The following SPECC1L variants were observed in gnomAD, a reference collection of about 807,000 sequenced individuals.
SPECC1L encodes the protein cytospin-A.
A neutral mutation model predicts 116.8 loss-of-function variants in SPECC1L; 40 were observed. The ratio of observed to expected loss-of-function variants is 0.34; its 90% confidence interval spans 0.27 to 0.45. The LOEUF (loss-of-function observed/expected upper bound fraction) is 0.45. Among genes scored for constraint, SPECC1L ranks in the 20% least tolerant of loss-of-function variants. The pLI is 1.00. For missense variants in SPECC1L, 1,110 were observed against 1,373.6 expected (o/e 0.81, Z 3.03); for synonymous variants, 504 against 500.6 (o/e 1.01, Z -0.09).
chr22:24,305,149 G>T (rs2049466479), intron 3 of SPECC1L, among the ~76,000 whole-genome samples: 1 of 152,174 alleles, frequency 6.6e-6, no homozygotes, highest in Non-Finnish European at 1.5e-5. Flanking sequence ...ATGCAGAGTT[G>T]TGTTTTGTTT....
intron 14 of SPECC1L, among the ~76,000 whole-genome samples, chr22:24,398,391 A>G (rs76866152): frequency 0.034 from 5,158 of 152,288 alleles, 179 homozygotes; most frequent in African/African-American, 0.083. Context: ...AGGCAGTACA[A>G]AGTGCCACCA....
At chr22:24,368,070 G>A (rs1453625088) in intron 13 of SPECC1L, among the ~76,000 whole-genome samples, 2 of 152,198 alleles carry the variant, frequency 1.3e-5, no homozygotes, top group Non-Finnish European at 2.9e-5. Flanking sequence ...CACCAGGGGT[G>A]ATTGCAAAAC....
In SPECC1L at chr22:24,324,285, G is replaced by A. The variant is rs147450336; in HGVS notation, c.2004G>A (p.Thr668=). The A allele has an allele frequency of 7.0e-4, 1,125 of 1,613,968 alleles. 2 individuals are homozygous for A. Among genetic ancestry groups the A allele is most frequent in the Admixed American group, 1.3e-3 (81 of 60,004 alleles). ...AKKQIEDLNM[T]LEKLRSDLDE... ...AACAAATTGAAGATTTGAATATGAC[G>A]TTAGAAAAATTAAGATCAGACCTGG... Residue 668 remains threonine (T), a synonymous_variant, in exon 6 of 17, where the codon ACG becomes ACA. Transcript: ENST00000314328.
rs143022134 is a variant in SPECC1L, at chr22:24,347,022, G to A, written c.2653-64G>A. The stretch of plus-strand genomic sequence containing the variant: ...TTATAACTAAATATCTACTCTGTGC[G>A]GCATTTACTTTGTGAGTCCAAACAG... On this transcript the variant is annotated intron_variant, in intron 10 of 16. Transcript: ENST00000314328. 2.7e-4 allele frequency: 324 copies of A among 1,219,870 alleles called. 1 individual carries two copies. In the East Asian group the frequency reaches 2.9e-3, roughly 11 times the overall value. 75.6% of individuals were successfully genotyped at this position (1,219,870 alleles called of 1,614,324 possible).
intron 2 of SPECC1L, among the ~76,000 whole-genome samples, chr22:24,280,171 G>T (rs1407414587): frequency 4.0e-5 from 6 of 151,760 alleles, no homozygotes; most frequent in Non-Finnish European, 8.8e-5. Flanking sequence ...AAATGAATTG[G>T]GGGGTAATCA....
chr22:24,342,983 A>G (rs909590128), intron 10 of SPECC1L, among the ~76,000 whole-genome samples: 19 of 152,224 alleles, frequency 1.2e-4, no homozygotes, highest in Middle Eastern at 3.4e-3. Flanking sequence ...ACCTGAGCTC[A>G]GGAGTTTGAA....
intron 13 of SPECC1L, among the ~76,000 whole-genome samples, chr22:24,367,951 C>A (rs1216999352): frequency 6.6e-6 from 1 of 152,172 alleles, no homozygotes; most frequent in Non-Finnish European, 1.5e-5. Flanking sequence ...CATTACACAG[C>A]ACTCCCTTTC....
chr22:24,285,663 A>G (rs993850029), intron 2 of SPECC1L, among the ~76,000 whole-genome samples: 1 of 149,964 alleles, frequency 6.7e-6, no homozygotes, highest in Non-Finnish European at 1.5e-5. Flanking sequence ...GTTTTTTTTG[A>G]GACGGAGTCT....
intron 14 of SPECC1L, among the ~76,000 whole-genome samples, chr22:24,402,291 C>T (rs542624389): frequency 3.3e-5 from 5 of 152,148 alleles, no homozygotes; most frequent in Admixed American, 2.6e-4. Flanking sequence ...CAGGCACCAC[C>T]GGCCCCAGGC....
At chr22:24,397,780 T>C (rs1461634857) in intron 14 of SPECC1L, among the ~76,000 whole-genome samples, 1 of 152,220 alleles carries the variant, frequency 6.6e-6, no homozygotes, top group African/African-American at 2.4e-5. Flanking sequence ...TTTTTAGAAG[T>C]GAAGCCTGTT....
At chr22:24,364,655 C>A (rs2041715164) in intron 12 of SPECC1L, among the ~76,000 whole-genome samples, 1 of 124,552 alleles carries the variant, frequency 8.0e-6, no homozygotes. Context: ...GAATGAGACT[C>A]CCTCTCAAAA....
At chr22:24,330,060 T>C (rs1282570676) in intron 7 of SPECC1L, among the ~76,000 whole-genome samples, 196 bp from the exon 8 acceptor site, 1 of 152,192 alleles carries the variant, frequency 6.6e-6, no homozygotes, top group Non-Finnish European at 1.5e-5. Context: ...CTTTTCCTTA[T>C]TAAGAACAAG....
chr22:24,310,494 GT>G (rs1163526296), intron 3 of SPECC1L, among the ~76,000 whole-genome samples: 1 of 152,284 alleles, frequency 6.6e-6, no homozygotes, highest in South Asian at 2.1e-4. Flanking sequence ...GAGAGTGCCT[GT>G]TTCCCCATAT....
chr22:24,330,376 G>T lies in SPECC1L; in HGVS notation c.2341G>T (p.Ala781Ser). ...TGATCTAAAGCGCCGGTTACATGAG[G>T]CTCAAGAAAAAAATGAGAAACTCAC... ...IGDLKRRLHE[A>S]QEKNEKLTKE... The change falls in exon 8 of 17, where the codon GCT becomes TCT. Residue 781 changes from alanine (A) to serine (S), a missense_variant. Physicochemically the swap from Ala to Ser is moderately conservative, Grantham distance 99. Coordinates refer to ENST00000314328, the MANE Select transcript of SPECC1L (RefSeq NM_015330.6). The T allele has an allele frequency of 6.2e-7, 1 of 1,614,114 alleles. No homozygotes were observed. Among genetic ancestry groups the T allele is most frequent in the Middle Eastern group, 1.6e-4 (1 of 6,062 alleles).
rs67221593 is a variant in SPECC1L, at chr22:24,366,200, CTT to C, written c.2984+579_2984+580del. Among the ~76,000 whole-genome samples the C allele has an allele frequency of 9.4e-4, 139 of 148,078 alleles. No homozygotes were observed. The East Asian group carries it at 0.012, about 12-fold the overall frequency. ...GGGATGGCAAAGTGATGGAACTTTT[CTT>C]TTTTTTTTTTGAGATGGAGCCTCGC... On this transcript the variant is annotated intron_variant, in intron 13 of 16. Transcript: ENST00000314328.
At chr22:24,323,369 T>TA (rs1285986013) in intron 5 of SPECC1L, among the ~76,000 whole-genome samples, 1 of 152,218 alleles carries the variant, frequency 6.6e-6, no homozygotes, top group Non-Finnish European at 1.5e-5. Context: ...TGTTGATAGT[T>TA]AAAAAATATT....
chr22:24,349,185 C>T (rs1246567312), intron 11 of SPECC1L, among the ~76,000 whole-genome samples: 4 of 152,122 alleles, frequency 2.6e-5, no homozygotes, highest in African/African-American at 7.2e-5. Context: ...GGATTACAGG[C>T]GTGGAGCACC....
intron 3 of SPECC1L, among the ~76,000 whole-genome samples, chr22:24,307,355 AGT>A (rs1218401494): frequency 6.6e-6 from 1 of 152,128 alleles, no homozygotes; most frequent in Non-Finnish European, 1.5e-5. Flanking sequence ...GAGAGGGTAC[AGT>A]GTCTTTTTGC....
chr22:24,412,456 G>T (rs2042717472), intron 15 of SPECC1L, 192 bp from the exon 16 acceptor site: 2 of 660,958 alleles, frequency 3.0e-6, no homozygotes, highest in Non-Finnish European at 2.8e-6. Context: ...GGTCAGGAGG[G>T]GAGGGTGGCC....
Sources: gnomAD v4.1 joint callset for allele counts (sites outside exome capture counted in the v4.1 genomes callset) on GRCh38, gnomAD v4.1.1 for gene constraint, MANE v1.5 for transcripts, NCBI Gene and HGNC (gene_info 2026-07-23, HGNC 2026-07-21) for gene names.